The following CACNA1C variants were observed in gnomAD, a reference collection of about 807,000 sequenced individuals.
CACNA1C encodes the protein calcium voltage-gated channel subunit alpha1 C, also known as voltage-dependent L-type calcium channel subunit alpha-1C.
CACNA1C carries 30 observed loss-of-function variants against 229.0 expected under a neutral mutation model. That is an observed-to-expected ratio of 0.13 (90% confidence interval 0.10 to 0.18). CACNA1C has a LOEUF of 0.18. Among genes scored for constraint, CACNA1C ranks in the 10% least tolerant of loss-of-function variants. The probability of loss-of-function intolerance (pLI) is 1.00; values close to 1 mark genes in which losing one functional copy is unlikely to be tolerated. For missense variants in CACNA1C, 1,658 were observed against 2,845.0 expected (o/e 0.58, Z 9.49); for synonymous variants, 1,114 against 1,132.5 (o/e 0.98, Z 0.33).
At chr12:2,337,153 G>A (rs2096721795) in intron 3 of CACNA1C, among the ~76,000 whole-genome samples, 2 of 152,216 alleles carry the variant, frequency 1.3e-5, no homozygotes, top group African/African-American at 4.8e-5. Context: ...GAGGCAGCCT[G>A]GCTGCAATGC....
intron 1 of CACNA1C, among the ~76,000 whole-genome samples, chr12:1,994,239 A>G (rs2040250217): frequency 6.6e-6 from 1 of 152,220 alleles, no homozygotes. Context: ...ATACTTACAC[A>G]CTGAAGCTGA....
At chr12:2,456,322 G>A (rs560085066) in intron 4 of CACNA1C, among the ~76,000 whole-genome samples, 5 of 152,316 alleles carry the variant, frequency 3.3e-5, no homozygotes, top group East Asian at 3.9e-4. Context: ...GATGACTGCC[G>A]CAGCTGGTCT....
At chr12:2,586,467 C>T (rs141363816) in intron 18 of CACNA1C, among the ~76,000 whole-genome samples, 156 of 152,324 alleles carry the variant, frequency 1.0e-3, no homozygotes, top group Non-Finnish European at 1.6e-3. Context: ...GCTTTAATGT[C>T]AGAGATCAGA....
chr12:2,465,577 G>A (rs2099545336), intron 5 of CACNA1C, among the ~76,000 whole-genome samples: 2 of 152,104 alleles, frequency 1.3e-5, no homozygotes, highest in African/African-American at 4.8e-5. Context: ...GGTCGTGAGA[G>A]CCAGGAGACA....
At chr12:2,137,788 A>G (rs185960638) in intron 3 of CACNA1C, among the ~76,000 whole-genome samples, 1 of 151,446 alleles carries the variant, frequency 6.6e-6, no homozygotes, top group Admixed American at 6.6e-5. Flanking sequence ...CCAAGTTCCA[A>G]ATTTAGTTCT....
intron 1 of CACNA1C, among the ~76,000 whole-genome samples, chr12:1,986,697 G>A (rs2037894027): frequency 6.6e-6 from 1 of 152,030 alleles, no homozygotes; most frequent in African/African-American, 2.4e-5. Flanking sequence ...CTGTGACTTG[G>A]CGCATTCTTG....
rs1356292633 is a variant in CACNA1C, at chr12:2,674,604, G to C, written c.4790G>C (p.Ser1597Thr). The C allele has an allele frequency of 1.3e-6, 2 of 1,575,118 alleles. No homozygotes were observed. Among genetic ancestry groups the C allele is most frequent in the African/African-American group, 2.7e-5 (2 of 74,098 alleles). ...ATCAAGAAGATCTGGAAGCGGACCA[G>C]CATGAAGCTGCTGGACCAGGTGGTG... is the stretch of plus-strand genomic sequence containing the variant. Reference protein sequence around the residue: ...AIIKKIWKRTSMKLLDQVVPP... With the variant: ...AIIKKIWKRTTMKLLDQVVPP... The change falls in exon 39 of 47, where the codon AGC becomes ACC. Residue 1597 changes from serine (S) to threonine (T), a missense_variant. Physicochemically the swap from Ser to Thr is moderately conservative, Grantham distance 58. Around this residue, in one of 20 missense-constraint regions of CACNA1C, gnomAD observed 151 missense variants for 344.4 expected, o/e 0.44. Transcript: ENST00000399655.
Position 2,605,563 on chromosome 12 carries a change from C to A in CACNA1C, c.3049-116C>A. On this transcript the variant is annotated intron_variant, in intron 23 of 46. Coordinates refer to ENST00000399655, the MANE Select transcript of CACNA1C (RefSeq NM_000719.7). The surrounding 1 kb of genome is among the most constrained non-coding windows in gnomAD (Gnocchi z 6.2). ...ATGTGACTTTGGGAGCGTGGCTTTG[C>A]CCCTCTCAGCCCAATTACTCCCCGT... is the stretch of plus-strand genomic sequence containing the variant. 1.3e-6 allele frequency: 1 copy of A among 743,022 alleles called. No homozygotes were observed. Among genetic ancestry groups the A allele is most frequent in the Non-Finnish European group, 2.4e-6 (1 of 415,008 alleles). The allele number at this position is 743,022 out of a possible 1,614,324, so 46.0% of individuals were successfully genotyped here.
chr12:2,235,320 C>G (rs936386179), intron 3 of CACNA1C, among the ~76,000 whole-genome samples: 1 of 152,164 alleles, frequency 6.6e-6, no homozygotes, highest in Non-Finnish European at 1.5e-5. Flanking sequence ...GCTACCAAGT[C>G]AGGAAAGCCA....
intron 3 of CACNA1C, among the ~76,000 whole-genome samples, chr12:2,385,249 T>C (rs2098353314): frequency 6.6e-6 from 1 of 152,096 alleles, no homozygotes; most frequent in Non-Finnish European, 1.5e-5. Context: ...CTCCCTGGCT[T>C]TATAGACAGG....
intron 38 of CACNA1C, among the ~76,000 whole-genome samples, chr12:2,669,238 C>G (rs1277246736): frequency 8.5e-5 from 13 of 152,140 alleles, no homozygotes; most frequent in Admixed American, 8.5e-4. Context: ...GGTCTCCCTG[C>G]CTCTAGCTCA....
intron 1 of CACNA1C, among the ~76,000 whole-genome samples, chr12:2,021,823 T>C (rs2429139): frequency 0.67 from 102,202 of 152,086 alleles, 36,399 homozygotes; most frequent in African/African-American, 0.91. Context: ...TTCATGGTGG[T>C]GTTAATCCAC....
rs538197590 is a variant in CACNA1C, at chr12:2,285,058, T to A, written c.478-163918T>A. On this transcript the variant is annotated intron_variant, in intron 3 of 46. Coordinates refer to ENST00000399655, the MANE Select transcript of CACNA1C (RefSeq NM_000719.7). The surrounding 1 kb of genome is among the most constrained non-coding windows in gnomAD (Gnocchi z 4.2). Reference sequence around the variant, plus strand: ...GGTTGGCTTCCAGTGGTGCCTGGCATCTCTCCTGCTCTCTGGGAGGAGGGA... The same window carrying A: ...GGTTGGCTTCCAGTGGTGCCTGGCAACTCTCCTGCTCTCTGGGAGGAGGGA... Among the ~76,000 whole-genome samples the A allele has an allele frequency of 6.6e-6, 1 of 152,192 alleles. No homozygotes were observed. The highest frequency in any genetic ancestry group is 2.1e-4 in the South Asian group (1 of 4,804).
At chr12:2,297,877 C>T (rs2094203526) in intron 3 of CACNA1C, among the ~76,000 whole-genome samples, 1 of 150,698 alleles carries the variant, frequency 6.6e-6, no homozygotes, top group South Asian at 2.1e-4. Context: ...AACCTAAAAC[C>T]ACACACACAC....
rs1304602106 is a variant in CACNA1C, at chr12:2,467,477, C to G, written c.757+9771C>G. ...CTTTGCTGCCCCCAGGTCTCCCAGC[C>G]TCCCCAGAAGGGAGGAAGCCCCAGG... On this transcript the variant is annotated intron_variant, in intron 5 of 46. Transcript: ENST00000399655. The surrounding 1 kb of genome is among the most constrained non-coding windows in gnomAD (Gnocchi z 4.6). Among the ~76,000 whole-genome samples the G allele has an allele frequency of 6.6e-6, 1 of 152,254 alleles. No homozygotes were observed. Among genetic ancestry groups the G allele is most frequent in the South Asian group, 2.1e-4 (1 of 4,818 alleles).
chr12:2,665,108 G>T lies in CACNA1C; in HGVS notation c.4398+118G>T. The T allele has an allele frequency of 9.1e-7, 1 of 1,097,712 alleles. No homozygotes were observed. The highest frequency in any genetic ancestry group is 1.3e-6 in the Non-Finnish European group (1 of 755,444). The allele number at this position is 1,097,712 out of a possible 1,614,324, so 68.0% of individuals were successfully genotyped here. On this transcript the variant is annotated intron_variant, in intron 35 of 46. Coordinates refer to ENST00000399655, the MANE Select transcript of CACNA1C (RefSeq NM_000719.7). The surrounding 1 kb of genome is among the most constrained non-coding windows in gnomAD (Gnocchi z 5.9). ...AACCCTATCAGAGGAGCTGGCTTGG[G>T]AAGACTAAGTTGGCAGGAGTGTCCA...
At chr12:1,979,241 T>C (rs2035380775) in intron 1 of CACNA1C, among the ~76,000 whole-genome samples, 1 of 152,208 alleles carries the variant, frequency 6.6e-6, no homozygotes, top group Non-Finnish European at 1.5e-5. Context: ...CTCAAACTCC[T>C]GACCTCAGGT....
intron 3 of CACNA1C, among the ~76,000 whole-genome samples, chr12:2,366,886 CAGAG>C (rs1288425452): frequency 5.3e-5 from 8 of 152,040 alleles, no homozygotes; most frequent in African/African-American, 1.7e-4. Flanking sequence ...GCAGGGGAGA[CAGAG>C]AGAGAGCGCA....
chr12:2,600,192 T>C (rs1482384885), intron 21 of CACNA1C, among the ~76,000 whole-genome samples: 2 of 152,184 alleles, frequency 1.3e-5, no homozygotes, highest in Non-Finnish European at 2.9e-5. Context: ...GAGTCCAGTC[T>C]GTGGGGGTCC....
Sources: allele counts gnomAD v4.1 joint callset (sites outside exome capture counted in the v4.1 genomes callset), GRCh38; gene constraint gnomAD v4.1.1; regional missense constraint gnomAD v4.1.1; non-coding constraint Gnocchi (gnomAD v3.1); transcripts MANE v1.5; gene names NCBI Gene and HGNC (gene_info 2026-07-23, HGNC 2026-07-21).